Variants in GAS2L1 observed in about 807,000 individuals in gnomAD.
The protein encoded by GAS2L1 is growth arrest specific 2 like 1.
In GAS2L1, 26 loss-of-function variants were observed where a neutral mutation model predicts 44.0. That is an observed-to-expected ratio of 0.59 (90% CI 0.43 to 0.82). GAS2L1 has a LOEUF of 0.82. Ranked by LOEUF, GAS2L1 falls within the 40% of genes least tolerant of loss-of-function variation. The pLI, the probability that GAS2L1 is intolerant of heterozygous loss-of-function variation, is 0.00. For missense variants in GAS2L1, 1,006 were observed against 983.0 expected, an observed-to-expected ratio of 1.02 and a Z score of -0.31; for synonymous variants, 426 against 415.9, an observed-to-expected ratio of 1.02 and a Z score of -0.30.
At chr22:29,308,537 G>T (rs747541065) in exon 1 of GAS2L1, 7 of 1,602,130 alleles carry the variant, frequency 4.4e-6, no homozygotes, top group Non-Finnish European at 6.0e-6. Flanking sequence ...TGGAGGTGGC[G>T]CGGCGTGGGG....
chr22:29,311,421 T>TC, intron 4 of GAS2L1, 41 bp from the exon 6 acceptor site: 1 of 784,458 alleles, frequency 1.3e-6, no homozygotes, highest in East Asian at 2.8e-5. Context: ...TGCCAGTCCT[T>TC]CCGTGGTACC....
chr22:29,311,481 C>T, exon 5 of GAS2L1: 1 of 1,457,290 alleles, frequency 6.9e-7, no homozygotes. Flanking sequence ...TCAGCTGCCC[C>T]CCCATCCCCG....
chr22:29,308,438 C>T, exon 1 of GAS2L1: 1 of 1,605,602 alleles, frequency 6.2e-7, no homozygotes, highest in Non-Finnish European at 8.5e-7. Flanking sequence ...GCTGGTGCCG[C>T]GTGGAGCTGG....
At chr22:29,311,414 C>T in intron 4 of GAS2L1, 48 bp from the exon 6 acceptor site, 1 of 737,736 alleles carries the variant, frequency 1.4e-6, no homozygotes, top group Non-Finnish European at 2.2e-6. Flanking sequence ...TTCTGCATGC[C>T]AGTCCTTCCG....
intron 1 of GAS2L1, among the ~76,000 whole-genome samples, chr22:29,309,370 C>T (rs978006707): frequency 7.2e-5 from 11 of 152,258 alleles, no homozygotes; most frequent in African/African-American, 2.4e-4. Flanking sequence ...AGTCTCTCCT[C>T]TCCCAGGATC....
intron 1 of GAS2L1, 150 bp from the exon 3 acceptor site, chr22:29,310,289 C>A: frequency 4.2e-6 from 2 of 472,322 alleles, no homozygotes; most frequent in Non-Finnish European, 7.7e-6. Context: ...AAAGAAAGGT[C>A]ACGTGTGGAA....
chr22:29,310,683 A>G (rs2061394221), exon 3 of GAS2L1: 1 of 1,608,040 alleles, frequency 6.2e-7, no homozygotes, highest in South Asian at 1.1e-5. Flanking sequence ...TGGCTGGGAC[A>G]CGCTGGAGCA....
At position 29,310,257 on chromosome 22, in the gene GAS2L1, AT is replaced by A. The variant is rs1293241851; in HGVS notation, c.634-181del. 7.3e-4 allele frequency: 265 copies of A among 365,366 alleles called. 1 individual carries two copies. Among genetic ancestry groups the A allele is most frequent in the Middle Eastern group, 3.0e-3 (4 of 1,354 alleles). The allele number at this position is 365,366 out of a possible 1,614,324, so 22.6% of individuals were successfully genotyped here. A position where few individuals can be genotyped will look rare whatever the true frequency, so the allele number is the denominator to read the frequency against. On this transcript the variant is annotated intron_variant, in intron 1 of 4. Coordinates refer to ENST00000618518, the Ensembl canonical transcript of GAS2L1. ...AACTCCAACTCAAAAAAAAAAAAAA[AT>A]AAAAAAAAATAAAAAAAATAAAAGA...
rs2061373680 is a variant in GAS2L1 at position 29,308,611 on chromosome 22, G to C, written c.506G>C (p.Arg169Pro). Residue 169 changes from arginine to proline, a missense_variant, in exon 1 of 5, where the codon CGT (arginine) becomes CCT (proline). Coordinates refer to ENST00000618518, the Ensembl canonical transcript of GAS2L1. ...GAGCAGGAGATTGAGCGGGAGCTGC[G>C]TGCTGCACCCCCAGCCCCCAACGCC... The C allele has an allele frequency of 2.5e-6, 4 of 1,593,354 alleles. No individual in the cohort carries two copies. The East Asian group carries it at 9.0e-5, about 36-fold the overall frequency.
intron 1 of GAS2L1, 100 bp downstream of exon 2, chr22:29,308,838 A>T: frequency 1.1e-6 from 1 of 932,058 alleles, no homozygotes; most frequent in Non-Finnish European, 1.5e-6. Context: ...TCTGCAGAAC[A>T]GTCTGCCCCA....
At chr22:29,311,865 C>G in exon 5 of GAS2L1, 1 of 1,596,044 alleles carries the variant, frequency 6.3e-7, no homozygotes, top group East Asian at 2.2e-5. Flanking sequence ...CAGGAGCACC[C>G]CCCAGACTCC....
exon 4 of GAS2L1, chr22:29,310,984 C>G (rs752215253): frequency 2.5e-6 from 4 of 1,612,394 alleles, no homozygotes; most frequent in East Asian, 2.2e-5. Flanking sequence ...AGGAGGGGCC[C>G]GAGACCCCAC....
At chr22:29,311,672 C>G in exon 5 of GAS2L1, 1 of 1,523,014 alleles carries the variant, frequency 6.6e-7, no homozygotes, top group Non-Finnish European at 8.8e-7. Flanking sequence ...AGTCCCGAGA[C>G]CGGCTGGATC....
At chr22:29,308,666 C>T (rs763791690) in exon 1 of GAS2L1, 19 of 1,529,936 alleles carry the variant, frequency 1.2e-5, no homozygotes, top group South Asian at 5.0e-5. Flanking sequence ...CCACTGAAAC[C>T]GCCCCCGCAC....
At chr22:29,310,511 C>T (rs901613734) in exon 2 of GAS2L1, 6 of 1,611,032 alleles carry the variant, frequency 3.7e-6, no homozygotes, top group East Asian at 2.2e-5. Flanking sequence ...GGGGAAGTAC[C>T]GTGTGGGGGA....
chr22:29,308,562 C>T, exon 1 of GAS2L1: 6 of 1,598,346 alleles, frequency 3.8e-6, no homozygotes, highest in Admixed American at 1.7e-5. Flanking sequence ...CCTGGGCCTG[C>T]TGGCCCCACG....
exon 1 of GAS2L1, chr22:29,308,487 G>C: frequency 6.2e-7 from 1 of 1,608,984 alleles, no homozygotes; most frequent in Non-Finnish European, 8.5e-7. Flanking sequence ...TGAGGACCTG[G>C]TGCTGCGCAA....
exon 5 of GAS2L1, chr22:29,312,099 G>A (rs776800714): frequency 6.2e-7 from 1 of 1,612,812 alleles, no homozygotes; most frequent in South Asian, 1.1e-5. Flanking sequence ...CCCAGCTCGG[G>A]CCCCCGACCC....
intron 4 of GAS2L1, chr22:29,311,232 G>A (rs2061402111): frequency 3.4e-6 from 2 of 588,754 alleles, no homozygotes; most frequent in Admixed American, 3.1e-5. Context: ...CCTCTGGCCC[G>A]TCCTGGGAAG....
Sources: allele counts gnomAD v4.1 joint callset (sites outside exome capture counted in the v4.1 genomes callset), GRCh38; gene constraint gnomAD v4.1.1; transcripts MANE v1.5; gene names NCBI Gene and HGNC (gene_info 2026-07-23, HGNC 2026-07-21).